KLHL32: variants seen among roughly 807,000 people sequenced by gnomAD.
The protein encoded by KLHL32 is kelch-like protein 32.
A neutral mutation model predicts 64.8 loss-of-function variants in KLHL32; 35 were observed. That is an observed-to-expected ratio of 0.54 (90% CI 0.41 to 0.72). KLHL32 has a LOEUF of 0.72. Ranked by LOEUF, KLHL32 falls within the 30% of genes least tolerant of loss-of-function variation. The pLI is 0.00. For missense variants in KLHL32, 589 were observed against 768.5 expected (o/e 0.77, Z 2.76); for synonymous variants, 259 against 281.0 (o/e 0.92, Z 0.78).
chr6:97,025,229 T>C lies in KLHL32; in HGVS notation c.205-16263T>C, dbSNP rs183825521. On this transcript the variant is annotated intron_variant, in intron 3 of 10. Transcript: ENST00000369261. The stretch of plus-strand genomic sequence containing the variant: ...TGTAAAAATCTGATTTGGAACGAAT[T>C]GTCCATAGAGTGGGATGATCCAGCT... The C allele has an allele frequency of 1.7e-5, 11 of 663,174 alleles. No individual in the cohort carries two copies. In the Admixed American group the frequency reaches 6.9e-4, roughly 42 times the overall value. The allele number at this position is 663,174 out of a possible 1,614,324, so 41.1% of individuals were successfully genotyped here. A position where few individuals can be genotyped will look rare whatever the true frequency, so the allele number is the denominator to read the frequency against.
chr6:96,994,614 A>T (rs1778226288), intron 3 of KLHL32: 1 of 985,308 alleles, frequency 1.0e-6, no homozygotes, highest in Non-Finnish European at 1.2e-6. Flanking sequence ...TTGGTCTGTG[A>T]GTTAATATCA....
At chr6:96,992,668 C>CT (rs1778020592) in intron 3 of KLHL32, among the ~76,000 whole-genome samples, 1 of 152,234 alleles carries the variant, frequency 6.6e-6, no homozygotes, top group Non-Finnish European at 1.5e-5. Context: ...TTTGCTGCTA[C>CT]TCCCAGTTTC....
intron 3 of KLHL32, among the ~76,000 whole-genome samples, chr6:96,999,942 G>A (rs751358409): frequency 6.6e-5 from 10 of 152,138 alleles, no homozygotes; most frequent in Non-Finnish European, 1.3e-4. Flanking sequence ...AGAGATGATT[G>A]TTGACACTTC....
chr6:96,908,358 G>A, the KLHL32 span, among the ~76,000 whole-genome samples: 2 of 152,258 alleles, frequency 1.3e-5, no homozygotes, highest in Admixed American at 6.5e-5. Flanking sequence ...AAGAATAAAC[G>A]TATACTTGTA....
At chr6:96,966,173 A>G (rs1048833376) in intron 1 of KLHL32, among the ~76,000 whole-genome samples, 2 of 152,238 alleles carry the variant, frequency 1.3e-5, no homozygotes, top group African/African-American at 4.8e-5. Flanking sequence ...AAGCCTATTT[A>G]GCTTATCCAG....
intron 3 of KLHL32, among the ~76,000 whole-genome samples, chr6:96,996,712 T>C (rs114066735): frequency 0.032 from 4,824 of 152,176 alleles, 232 homozygotes; most frequent in African/African-American, 0.11. Flanking sequence ...ATAACAATAA[T>C]AACTAATTAA....
intron 6 of KLHL32, among the ~76,000 whole-genome samples, chr6:97,102,530 A>G (rs1795861491): frequency 6.6e-6 from 1 of 152,108 alleles, no homozygotes; most frequent in Non-Finnish European, 1.5e-5. Flanking sequence ...CTATCATTTT[A>G]TTTAGAAGTC....
At chr6:96,922,265 A>C (rs1303022198), upstream of KLHL32, among the ~76,000 whole-genome samples, 1 of 152,176 alleles carries the variant, frequency 6.6e-6, no homozygotes, top group Non-Finnish European at 1.5e-5. Flanking sequence ...GAGTACAAAG[A>C]GCAATCAATT....
chr6:97,066,804 A>G (rs1272908393), intron 5 of KLHL32, among the ~76,000 whole-genome samples: 3 of 152,192 alleles, frequency 2.0e-5, no homozygotes, highest in South Asian at 2.1e-4. Flanking sequence ...AGCTATATCT[A>G]TTTGCTGTGT....
At chr6:96,988,193 C>A (rs551320399) in intron 3 of KLHL32, among the ~76,000 whole-genome samples, 3 of 151,956 alleles carry the variant, frequency 2.0e-5, no homozygotes, top group Admixed American at 6.6e-5. Context: ...AAAATTTGTG[C>A]AATCTACTCA....
At chr6:97,041,405 T>A in intron 3 of KLHL32, 87 bp from the exon 4 acceptor site, 1 of 812,384 alleles carries the variant, frequency 1.2e-6, no homozygotes, top group Non-Finnish European at 2.1e-6. Context: ...TTGTAAAACT[T>A]TTTTTTCCCC....
intron 3 of KLHL32, among the ~76,000 whole-genome samples, chr6:97,040,928 C>T (rs1238571860): frequency 6.6e-6 from 1 of 152,268 alleles, no homozygotes; most frequent in African/African-American, 2.4e-5. Flanking sequence ...CGCCTTCCAC[C>T]ATTATTGTAA....
intron 6 of KLHL32, among the ~76,000 whole-genome samples, chr6:97,113,572 C>T (rs1202470097): frequency 6.6e-6 from 1 of 152,132 alleles, no homozygotes; most frequent in Non-Finnish European, 1.5e-5. Flanking sequence ...GTTTCTTACC[C>T]CTACAGCAAT....
At chr6:96,927,262 T>C (rs926395955) in intron 1 of KLHL32, among the ~76,000 whole-genome samples, 3 of 152,178 alleles carry the variant, frequency 2.0e-5, no homozygotes, top group Non-Finnish European at 2.9e-5. Flanking sequence ...TGAGTGCTTG[T>C]TATAGGAAGA....
chr6:96,955,884 CCAAGATTGCACCACTGCA>C (rs1374002117), intron 1 of KLHL32, among the ~76,000 whole-genome samples: 2 of 152,258 alleles, frequency 1.3e-5, no homozygotes, highest in Middle Eastern at 3.4e-3. Flanking sequence ...TTGCAGTGAG[CCAAGATTGCACCACTGCA>C]CTCCAATCTG....
chr6:96,950,990 A>T (rs565106952), intron 1 of KLHL32, among the ~76,000 whole-genome samples: 109 of 152,334 alleles, frequency 7.2e-4, no homozygotes, highest in African/African-American at 2.5e-3. Flanking sequence ...CAAATTACTC[A>T]GTTTGAACAA....
At chr6:97,096,151 A>G (rs954886725) in intron 6 of KLHL32, among the ~76,000 whole-genome samples, 1 of 152,166 alleles carries the variant, frequency 6.6e-6, no homozygotes, top group Non-Finnish European at 1.5e-5. Context: ...AGCTAATAAA[A>G]TGGCATAAGT....
At chr6:97,000,324 T>C (rs1778879213) in intron 3 of KLHL32, among the ~76,000 whole-genome samples, 1 of 152,190 alleles carries the variant, frequency 6.6e-6, no homozygotes, top group South Asian at 2.1e-4. Context: ...CTGTTAACTA[T>C]GCATGCTGAT....
chr6:97,113,394 G>T (rs1032917097), intron 6 of KLHL32, among the ~76,000 whole-genome samples: 1 of 152,092 alleles, frequency 6.6e-6, no homozygotes, highest in Admixed American at 6.5e-5. Flanking sequence ...CCTGAGCTTT[G>T]ATGACACCTC....
Sources: allele counts gnomAD v4.1 joint callset (sites outside exome capture counted in the v4.1 genomes callset), GRCh38; gene constraint gnomAD v4.1.1; transcripts MANE v1.5; gene names NCBI Gene and HGNC (gene_info 2026-07-23, HGNC 2026-07-21).